RAP2B: variants seen among roughly 807,000 people sequenced by gnomAD.
RAP2B encodes ras-related protein Rap-2b.
A neutral mutation model predicts 14.4 loss-of-function variants in RAP2B; 6 were observed. That is an observed-to-expected ratio of 0.42 (90% confidence interval 0.23 to 0.82). The LOEUF is 0.82. Among genes scored for constraint, RAP2B ranks in the 40% least tolerant of loss-of-function variants. The probability of loss-of-function intolerance (pLI) is 0.30; values close to 1 mark genes in which losing one functional copy is unlikely to be tolerated. For synonymous variants in RAP2B, 118 were observed against 113.2 expected (o/e 1.04, Z -0.27); for missense variants, 137 against 248.2 (o/e 0.55, Z 3.01).
At position 153,163,524 on chromosome 3, in the gene RAP2B, A is replaced by G. The variant is rs990768060; in HGVS notation, c.*279A>G. 1 of 389,938 alleles carries G rather than the reference A, an allele frequency of 2.6e-6. No homozygotes were observed. The allele number at this position is 389,938 out of a possible 1,614,324, so 24.2% of individuals were successfully genotyped here. A position where few individuals can be genotyped will look rare whatever the true frequency, so the allele number is the denominator to read the frequency against. ...TTGATGCATATTTCCCCGTTTAAGT[A>G]GCCGTTAGGGCGCAGTATCGGCAGC... On this transcript the variant is annotated 3_prime_UTR_variant, in exon 1 of 1. Coordinates refer to ENST00000323534, the MANE Select transcript of RAP2B (RefSeq NM_002886.4).
At position 153,169,366 on chromosome 3, in the gene RAP2B, C is replaced by G. The variant is rs1023516573; in HGVS notation, c.*6121C>G. On this transcript the variant is annotated 3_prime_UTR_variant, in exon 1 of 1. Transcript: ENST00000323534. ...AGAGACAGCATTTCACCATACTGGC[C>G]AGGCTGGTCGTGAACTCCTGACCTT... 6.6e-6 allele frequency: 1 copy of G among 152,174 alleles called. No individual in the cohort carries two copies. The highest frequency in any genetic ancestry group is 6.6e-5 in the Admixed American group (1 of 15,264). The allele number at this position is 152,174 out of a possible 1,614,324, so 9.4% of individuals were successfully genotyped here.
rs1713432012 is a variant in RAP2B, at chr3:153,162,512, GCCGGCCCGGC to G, written c.-181_-172del. On this transcript the variant is annotated 5_prime_UTR_variant, in exon 1 of 1. Coordinates refer to ENST00000323534, the MANE Select transcript of RAP2B (RefSeq NM_002886.4). This position sits in a 1 kb window ranked among gnomAD's most constrained non-coding sequence, Gnocchi z 4.9. Reference sequence around the variant, plus strand: ...CAGGGATACGCTGCCGCCGCCGCCGGCCGGCCCGGCGCCCGGCCTCCGTTCGGTGGTTTCC... The same window carrying G: ...CAGGGATACGCTGCCGCCGCCGCCGGGCCCGGCCTCCGTTCGGTGGTTTCC... 4.5e-6 allele frequency: 3 copies of G among 663,652 alleles called. No homozygotes were observed. In the African/African-American group the frequency reaches 5.8e-5, roughly 13 times the overall value. 41.1% of individuals were successfully genotyped at this position (663,652 alleles called of 1,614,324 possible). A position where few individuals can be genotyped will look rare whatever the true frequency, so the allele number is the denominator to read the frequency against.
In RAP2B at chr3:153,168,360, T is replaced by C. The variant is rs1365235387; in HGVS notation, c.*5115T>C. On this transcript the variant is annotated 3_prime_UTR_variant, in exon 1 of 1. Transcript: ENST00000323534. ...TTAGATGCTGAGAATAATATTATCA[T>C]GCTTGGGTGGGGAAGAAAGGCCCTT... The C allele has an allele frequency of 6.0e-6, 1 of 167,102 alleles. No homozygotes were observed. The highest frequency in any genetic ancestry group is 1.5e-5 in the Non-Finnish European group (1 of 68,120). 10.4% of individuals were successfully genotyped at this position (167,102 alleles called of 1,614,324 possible).
Position 153,164,945 on chromosome 3 carries a change from A to G in RAP2B, c.*1700A>G. The G allele has an allele frequency of 1.2e-5, 2 of 167,170 alleles. No homozygotes were observed. 10.4% of individuals were successfully genotyped at this position (167,170 alleles called of 1,614,324 possible). A position where few individuals can be genotyped will look rare whatever the true frequency, so the allele number is the denominator to read the frequency against. On this transcript the variant is annotated 3_prime_UTR_variant, in exon 1 of 1. Coordinates refer to ENST00000323534, the MANE Select transcript of RAP2B (RefSeq NM_002886.4). The stretch of plus-strand genomic sequence containing the variant: ...GGAAGCCCTGGGTATGGCCATTACC[A>G]TCTGATTAGAAGATGAACAGGTATT...
Position 153,167,959 on chromosome 3 carries a change from C to T in RAP2B, c.*4714C>T, listed in dbSNP as rs1713625941. 1 of 167,020 alleles carries T rather than the reference C, an allele frequency of 6.0e-6. No individual in the cohort carries two copies. The highest frequency in any genetic ancestry group is 2.1e-4 in the South Asian group (1 of 4,826). The allele number at this position is 167,020 out of a possible 1,614,324, so 10.3% of individuals were successfully genotyped here. On this transcript the variant is annotated 3_prime_UTR_variant, in exon 1 of 1. Transcript: ENST00000323534. The stretch of plus-strand genomic sequence containing the variant: ...ATTTTAAGTTTTCATGGCAAGGGTT[C>T]TAAAAATCATTGTGCCAGAGAATTT...
rs1713482643 is a variant in RAP2B, at chr3:153,163,653, C to CAT, written c.*408_*409insAT. The CAT allele has an allele frequency of 1.3e-5, 1 of 74,878 alleles. No individual in the cohort carries two copies. The highest frequency in any genetic ancestry group is 1.5e-4 in the Admixed American group (1 of 6,794). The allele number at this position is 74,878 out of a possible 1,614,324, so 4.6% of individuals were successfully genotyped here. Reference sequence around the variant, plus strand: ...GGAAATGGTTTTTTTTTTTTTTTTTCTATTTTCTTTCTTTTTTTTTTTTTT... The same window carrying CAT: ...GGAAATGGTTTTTTTTTTTTTTTTTCATTATTTTCTTTCTTTTTTTTTTTTTT... On this transcript the variant is annotated 3_prime_UTR_variant, in exon 1 of 1. Coordinates refer to ENST00000323534, the MANE Select transcript of RAP2B (RefSeq NM_002886.4).
rs1713695046 is a variant in RAP2B, at chr3:153,170,244, G to A, written c.*6999G>A. On this transcript the variant is annotated 3_prime_UTR_variant, in exon 1 of 1. Coordinates refer to ENST00000323534, the MANE Select transcript of RAP2B (RefSeq NM_002886.4). ...AGATTATTGATGCCTTGTGAATACAGGTGTCCCCAAAAGGCCTGAGACCAA... is the reference window on the plus strand; with the variant it reads ...AGATTATTGATGCCTTGTGAATACAAGTGTCCCCAAAAGGCCTGAGACCAA... The A allele has an allele frequency of 6.6e-6, 1 of 152,154 alleles. No homozygotes were observed. Among genetic ancestry groups the A allele is most frequent in the Non-Finnish European group, 1.5e-5 (1 of 68,038 alleles). 9.4% of individuals were successfully genotyped at this position (152,154 alleles called of 1,614,324 possible). A position where few individuals can be genotyped will look rare whatever the true frequency, so the allele number is the denominator to read the frequency against.
rs1713493147 is a variant in RAP2B at position 153,163,852 on chromosome 3, C to T, written c.*607C>T. The T allele has an allele frequency of 6.0e-6, 1 of 166,730 alleles. No homozygotes were observed. The highest frequency in any genetic ancestry group is 1.5e-5 in the Non-Finnish European group (1 of 68,190). 10.3% of individuals were successfully genotyped at this position (166,730 alleles called of 1,614,324 possible). A position where few individuals can be genotyped will look rare whatever the true frequency, so the allele number is the denominator to read the frequency against. ...TTCTGCCAGCTTGGAAGGGCAACCCCATGACTGATTGCGATTCTGAGGATG... is the reference window on the plus strand; with the variant it reads ...TTCTGCCAGCTTGGAAGGGCAACCCTATGACTGATTGCGATTCTGAGGATG... On this transcript the variant is annotated 3_prime_UTR_variant, in exon 1 of 1. Transcript: ENST00000323534.
chr3:153,162,619 C>G lies in RAP2B; in HGVS notation c.-75C>G. On this transcript the variant is annotated 5_prime_UTR_variant, in exon 1 of 1. Coordinates refer to ENST00000323534, the MANE Select transcript of RAP2B (RefSeq NM_002886.4). This position sits in a 1 kb window ranked among gnomAD's most constrained non-coding sequence, Gnocchi z 4.9. ...CTGAGGAAGGGGAAGAGAAGTCCAG[C>G]CGCCAAGCCCAGCCTTCCCCGGCGC... is the stretch of plus-strand genomic sequence containing the variant. The G allele has an allele frequency of 6.8e-7, 1 of 1,461,498 alleles. No homozygotes were observed. The highest frequency in any genetic ancestry group is 9.1e-7 in the Non-Finnish European group (1 of 1,102,500). 90.5% of individuals were successfully genotyped at this position (1,461,498 alleles called of 1,614,324 possible). A position where few individuals can be genotyped will look rare whatever the true frequency, so the allele number is the denominator to read the frequency against.
Position 153,162,631 on chromosome 3 carries a change from G to A in RAP2B, c.-63G>A. 6.6e-7 allele frequency: 1 copy of A among 1,511,696 alleles called. No homozygotes were observed. The highest frequency in any genetic ancestry group is 8.8e-7 in the Non-Finnish European group (1 of 1,132,692). The allele number at this position is 1,511,696 out of a possible 1,614,324, so 93.6% of individuals were successfully genotyped here. ...AAGAGAAGTCCAGCCGCCAAGCCCAGCCTTCCCCGGCGCGCAGCCCCGACG... is the reference window on the plus strand; with the variant it reads ...AAGAGAAGTCCAGCCGCCAAGCCCAACCTTCCCCGGCGCGCAGCCCCGACG... On this transcript the variant is annotated 5_prime_UTR_variant, in exon 1 of 1. Transcript: ENST00000323534. This position sits in a 1 kb window ranked among gnomAD's most constrained non-coding sequence, Gnocchi z 4.9.
chr3:153,163,409 C>T lies in RAP2B; in HGVS notation c.*164C>T. On this transcript the variant is annotated 3_prime_UTR_variant, in exon 1 of 1. Coordinates refer to ENST00000323534, the MANE Select transcript of RAP2B (RefSeq NM_002886.4). Reference sequence around the variant, plus strand: ...GCGGCCGGCGTCCCCTGCCTCCACCCTGTGCCCGAGGGGGTGTCCGGTCCT... The same window carrying T: ...GCGGCCGGCGTCCCCTGCCTCCACCTTGTGCCCGAGGGGGTGTCCGGTCCT... The T allele has an allele frequency of 2.1e-6, 2 of 952,644 alleles. No individual in the cohort carries two copies. Among genetic ancestry groups the T allele is most frequent in the Non-Finnish European group, 3.1e-6 (2 of 647,628 alleles). The allele number at this position is 952,644 out of a possible 1,614,324, so 59.0% of individuals were successfully genotyped here.
At position 153,163,664 on chromosome 3, in the gene RAP2B, CTTTTTTTTT is replaced by C. The variant is rs397953060; in HGVS notation, c.*432_*440del. 1.5e-5 allele frequency: 1 copy of C among 65,244 alleles called. No homozygotes were observed. Among genetic ancestry groups the C allele is most frequent in the Non-Finnish European group, 2.9e-5 (1 of 34,804 alleles). The allele number at this position is 65,244 out of a possible 1,614,324, so 4.0% of individuals were successfully genotyped here. On this transcript the variant is annotated 3_prime_UTR_variant, in exon 1 of 1. Coordinates refer to ENST00000323534, the MANE Select transcript of RAP2B (RefSeq NM_002886.4). ...TTTTTTTTTTTTTTCTATTTTCTTT[CTTTTTTTTT>C]TTTTTTTTTTTTGGTCAACAGCCGT...
In RAP2B at chr3:153,166,286, A is replaced by G. The variant is rs192661329; in HGVS notation, c.*3041A>G. On this transcript the variant is annotated 3_prime_UTR_variant, in exon 1 of 1. Transcript: ENST00000323534. ...ATTGAGAGAAATTAGGAACACTGCT[A>G]TTTTTTTCTTAAAAATGTTTTTAAG... is the stretch of plus-strand genomic sequence containing the variant. The G allele has an allele frequency of 1.2e-5, 2 of 166,854 alleles. No individual in the cohort carries two copies. Among genetic ancestry groups the G allele is most frequent in the African/African-American group, 4.8e-5 (2 of 41,542 alleles). 10.3% of individuals were successfully genotyped at this position (166,854 alleles called of 1,614,324 possible). A position where few individuals can be genotyped will look rare whatever the true frequency, so the allele number is the denominator to read the frequency against.
In RAP2B at chr3:153,163,125, G is replaced by A. The variant is rs150234101; in HGVS notation, c.432G>A (p.Glu144=). The A allele has an allele frequency of 8.1e-6, 13 of 1,613,362 alleles. No homozygotes were observed. Among genetic ancestry groups the A allele is most frequent in the Non-Finnish European group, 3.4e-6 (4 of 1,180,000 alleles). Residue 144 remains glutamate, a synonymous_variant, in exon 1 of 1, where the codon GAG becomes GAA. Transcript: ENST00000323534. Reference sequence around the variant, plus strand: ...AGGAGTGGAGCTGCCCCTTCATGGAGACGTCGGCCAAAAACAAAGCCTCGG... The same window carrying A: ...AGGAGTGGAGCTGCCCCTTCATGGAAACGTCGGCCAAAAACAAAGCCTCGG... ...LAEEWSCPFM[E]TSAKNKASVD... is the part of the protein sequence containing the mutation.
rs970431597 is a variant in RAP2B, at chr3:153,170,478, T to C, written c.*7233T>C. On this transcript the variant is annotated 3_prime_UTR_variant, in exon 1 of 1. Coordinates refer to ENST00000323534, the MANE Select transcript of RAP2B (RefSeq NM_002886.4). The stretch of plus-strand genomic sequence containing the variant: ...TGAAATAGTGTATATTAAACAATAA[T>C]AGTATATGGAAAAGCACATCTACAT... 6.6e-6 allele frequency: 1 copy of C among 152,218 alleles called. No homozygotes were observed. Among genetic ancestry groups the C allele is most frequent in the African/African-American group, 2.4e-5 (1 of 41,462 alleles). 9.4% of individuals were successfully genotyped at this position (152,218 alleles called of 1,614,324 possible). A position where few individuals can be genotyped will look rare whatever the true frequency, so the allele number is the denominator to read the frequency against.
At position 153,162,286 on chromosome 3, in the gene RAP2B, C is replaced by T. The variant is rs1183452944; in HGVS notation, c.-408C>T. 7 of 154,624 alleles carry T rather than the reference C, an allele frequency of 4.5e-5. No individual in the cohort carries two copies. Among genetic ancestry groups the T allele is most frequent in the African/African-American group, 1.7e-4 (7 of 41,482 alleles). The allele number at this position is 154,624 out of a possible 1,614,324, so 9.6% of individuals were successfully genotyped here. On this transcript the variant is annotated 5_prime_UTR_variant, in exon 1 of 1. Coordinates refer to ENST00000323534, the MANE Select transcript of RAP2B (RefSeq NM_002886.4). The surrounding 1 kb of genome is among the most constrained non-coding windows in gnomAD (Gnocchi z 4.9). Reference sequence around the variant, plus strand: ...GCGGTGGGCGCACGTTCCGCGGGGACTCATGCCACGCGCGTCCCGGCCCGA... The same window carrying T: ...GCGGTGGGCGCACGTTCCGCGGGGATTCATGCCACGCGCGTCCCGGCCCGA...
chr3:153,163,560 C>A lies in RAP2B; in HGVS notation c.*315C>A, dbSNP rs1713477666. On this transcript the variant is annotated 3_prime_UTR_variant, in exon 1 of 1. Coordinates refer to ENST00000323534, the MANE Select transcript of RAP2B (RefSeq NM_002886.4). ...CGCAGTATCGGCAGCTTGACACCCA[C>A]CAAGCAAAAGTTTCAGCCTGGAAAA... 7.4e-6 allele frequency: 2 copies of A among 271,632 alleles called. No homozygotes were observed. Among genetic ancestry groups the A allele is most frequent in the East Asian group, 1.5e-4 (2 of 13,678 alleles). The allele number at this position is 271,632 out of a possible 1,614,324, so 16.8% of individuals were successfully genotyped here.
chr3:153,162,654 ACGGGGCCGCGGCAGGCGCGG>A lies in RAP2B; in HGVS notation c.-37_-18del. ...CAGCCTTCCCCGGCGCGCAGCCCCG[ACGGGGCCGCGGCAGGCGCGG>A]CGAGAGCGCTGACGGAGCCATGAGA... is the stretch of plus-strand genomic sequence containing the variant. On this transcript the variant is annotated 5_prime_UTR_variant, in exon 1 of 1. Transcript: ENST00000323534. The surrounding 1 kb of genome is among the most constrained non-coding windows in gnomAD (Gnocchi z 4.9). The A allele has an allele frequency of 3.9e-6, 6 of 1,556,878 alleles. No homozygotes were observed. The highest frequency in any genetic ancestry group is 1.2e-5 in the South Asian group (1 of 83,708).
rs921221028 is a variant in RAP2B, at chr3:153,169,101, G to A, written c.*5856G>A. On this transcript the variant is annotated 3_prime_UTR_variant, in exon 1 of 1. Transcript: ENST00000323534. ...TATCTGGTAGTTTATTCTAATCCTG[G>A]TTAATAATCATTAGGACTAAACTAT... is the stretch of plus-strand genomic sequence containing the variant. 2.6e-5 allele frequency: 4 copies of A among 152,072 alleles called. No homozygotes were observed. The highest frequency in any genetic ancestry group is 9.7e-5 in the African/African-American group (4 of 41,406). 9.4% of individuals were successfully genotyped at this position (152,072 alleles called of 1,614,324 possible).
Sources: gnomAD v4.1 joint callset for allele counts on GRCh38, gnomAD v4.1.1 for gene constraint, Gnocchi (gnomAD v3.1) non-coding constraint, MANE v1.5 for transcripts, NCBI Gene and HGNC (gene_info 2026-07-23, HGNC 2026-07-21) for gene names.